GRM8: variants seen among roughly 807,000 people sequenced by gnomAD.
The protein encoded by GRM8 is glutamate metabotropic receptor 8.
In GRM8, 47 loss-of-function variants were observed where a neutral mutation model predicts 87.2. The ratio of observed to expected loss-of-function variants is 0.54; its 90% confidence interval spans 0.43 to 0.69. The LOEUF is 0.69. GRM8 is among the 30% of genes least tolerant of loss of function. The probability of loss-of-function intolerance (pLI) is 0.00; values close to 1 mark genes in which losing one functional copy is unlikely to be tolerated. For synonymous variants in GRM8, 396 were observed against 404.5 expected (o/e 0.98, Z 0.25); for missense variants, 1,019 against 1,139.2 (o/e 0.89, Z 1.52).
intron 2 of GRM8, among the ~76,000 whole-genome samples, chr7:127,134,223 G>A (rs896163021): frequency 1.3e-5 from 2 of 152,032 alleles, no homozygotes; most frequent in East Asian, 1.9e-4. Context: ...TTTAACTTCC[G>A]GGCAAATCAA....
chr7:126,974,034 C>T (rs1810701762), intron 3 of GRM8, among the ~76,000 whole-genome samples: 1 of 152,178 alleles, frequency 6.6e-6, no homozygotes, highest in African/African-American at 2.4e-5. Context: ...GAGATAGTGG[C>T]AACACTGCCT....
intron 9 of GRM8, among the ~76,000 whole-genome samples, chr7:126,496,970 A>ATTTTTTT (rs71177562): frequency 7.0e-6 from 1 of 143,010 alleles, no homozygotes; most frequent in Non-Finnish European, 1.5e-5. Flanking sequence ...TGAGTTTTGG[A>ATTTTTTT]TTTTTTTTTT....
At chr7:126,558,665 AATG>A (rs1037254699) in intron 8 of GRM8, among the ~76,000 whole-genome samples, 12 of 152,214 alleles carry the variant, frequency 7.9e-5, no homozygotes, top group Non-Finnish European at 1.8e-4. Context: ...TTTAGGGAAT[AATG>A]ATGAGAAAAA....
chr7:126,661,476 T>A (rs1805166345), intron 7 of GRM8, among the ~76,000 whole-genome samples: 1 of 152,190 alleles, frequency 6.6e-6, no homozygotes, highest in Non-Finnish European at 1.5e-5. Context: ...CATTGTACCT[T>A]CTAAATCACT....
At chr7:126,621,799 C>T (rs2299480) in intron 7 of GRM8, among the ~76,000 whole-genome samples, 48,454 of 151,720 alleles carry the variant, frequency 0.32, 8,334 homozygotes, top group East Asian at 0.43. Context: ...ATTGTCTTGT[C>T]TAGTAACCAT....
At chr7:127,126,370 C>T (rs956509251) in intron 2 of GRM8, among the ~76,000 whole-genome samples, 1 of 151,894 alleles carries the variant, frequency 6.6e-6, no homozygotes, top group Non-Finnish European at 1.5e-5. Flanking sequence ...AGTGAAATTA[C>T]TCAGAAACAG....
At position 127,242,728 on chromosome 7, in the gene GRM8, G is replaced by A. The variant is rs1342903145; in HGVS notation, c.477C>T (p.Ser159=). 6.2e-7 allele frequency: 1 copy of A among 1,614,122 alleles called. No homozygotes were observed. Among genetic ancestry groups the A allele is most frequent in the East Asian group, 2.2e-5 (1 of 44,888 alleles). Residue 159 remains serine (S), a synonymous_variant, in exon 2 of 11, where the codon TCC becomes TCT. Coordinates refer to ENST00000339582, the MANE Select transcript of GRM8 (RefSeq NM_000845.3). ...GVIGAAASSV[S]IMVANILRLF... is the part of the protein sequence containing the mutation. Reference sequence around the variant, plus strand: ...GTCTTAAAATGTTAGCAACCATGATGGACACGGAGCTTGCTGCAGCACCTA... The same window carrying A: ...GTCTTAAAATGTTAGCAACCATGATAGACACGGAGCTTGCTGCAGCACCTA...
At chr7:127,046,915 ATT>A (rs59765211) in intron 3 of GRM8, among the ~76,000 whole-genome samples, 2,286 of 152,236 alleles carry the variant, frequency 0.015, 53 homozygotes, top group African/African-American at 0.052. Context: ...GTTTGCTGTC[ATT>A]TTTCGCTAAC....
At chr7:127,009,404 A>G (rs1416395604) in intron 3 of GRM8, among the ~76,000 whole-genome samples, 1 of 152,172 alleles carries the variant, frequency 6.6e-6, no homozygotes, top group Non-Finnish European at 1.5e-5. Flanking sequence ...GAAACACTTT[A>G]CTCACATGTG....
intron 3 of GRM8, among the ~76,000 whole-genome samples, chr7:126,938,462 A>G (rs184518682): frequency 3.9e-5 from 6 of 152,328 alleles, no homozygotes; most frequent in African/African-American, 1.4e-4. Context: ...TTGGAAAGCA[A>G]AGTGGTTTGA....
chr7:126,454,339 G>A (rs1307974723), intron 9 of GRM8, among the ~76,000 whole-genome samples: 3 of 151,676 alleles, frequency 2.0e-5, no homozygotes, highest in African/African-American at 4.8e-5. Flanking sequence ...TGTTATCTAA[G>A]GAAAGTTGGT....
intron 6 of GRM8, among the ~76,000 whole-genome samples, chr7:126,889,197 G>A (rs964064421): frequency 6.6e-6 from 1 of 152,068 alleles, no homozygotes; most frequent in African/African-American, 2.4e-5. Flanking sequence ...CAGGCATAAA[G>A]GTTGCAACCA....
chr7:126,845,415 C>T (rs1474974485), intron 6 of GRM8, among the ~76,000 whole-genome samples: 3 of 152,160 alleles, frequency 2.0e-5, no homozygotes, highest in Non-Finnish European at 4.4e-5. Context: ...CTTAGCTCAA[C>T]CTAGGCCAAC....
chr7:127,122,839 T>C (rs1055457256), intron 2 of GRM8, among the ~76,000 whole-genome samples: 11 of 152,030 alleles, frequency 7.2e-5, no homozygotes, highest in Admixed American at 3.3e-4. Context: ...AAAAGACTTT[T>C]TGGGAGAGGG....
chr7:126,474,250 A>ATGTGTGTGTG (rs149228365), intron 9 of GRM8, among the ~76,000 whole-genome samples: 1 of 148,994 alleles, frequency 6.7e-6, no homozygotes, highest in African/African-American at 2.4e-5. Flanking sequence ...ATGTTTGTGC[A>ATGTGTGTGTG]TGTGTGTGTG....
intron 3 of GRM8, among the ~76,000 whole-genome samples, chr7:127,015,742 C>T (rs780711602): frequency 6.6e-6 from 1 of 152,050 alleles, no homozygotes; most frequent in African/African-American, 2.4e-5. Context: ...GGTTGTTACT[C>T]TATGTTTTTG....
At chr7:126,825,476 A>G (rs1014033098) in intron 6 of GRM8, among the ~76,000 whole-genome samples, 1 of 152,200 alleles carries the variant, frequency 6.6e-6, no homozygotes. Flanking sequence ...GAGACATTAA[A>G]TGACTTGCTC....
intron 6 of GRM8, among the ~76,000 whole-genome samples, chr7:126,856,057 CT>C (rs1486135007): frequency 5.9e-5 from 9 of 152,172 alleles, no homozygotes; most frequent in Middle Eastern, 3.4e-3. Flanking sequence ...CTTTCATCAG[CT>C]TTTTGTACTT....
intron 9 of GRM8, among the ~76,000 whole-genome samples, chr7:126,470,455 C>T (rs143775983): frequency 0.04 from 5,973 of 150,524 alleles, 293 homozygotes; most frequent in African/African-American, 0.12. Context: ...GTTTTTTGTC[C>T]TTGCGACAGT....
Sources: allele counts gnomAD v4.1 joint callset (sites outside exome capture counted in the v4.1 genomes callset), GRCh38; gene constraint gnomAD v4.1.1; transcripts MANE v1.5; gene names NCBI Gene and HGNC (gene_info 2026-07-23, HGNC 2026-07-21).